Variants in VEPH1 observed in about 807,000 individuals in gnomAD.
The protein encoded by VEPH1 is ventricular zone expressed PH domain containing 1, also known as ventricular zone-expressed PH domain-containing protein homolog 1.
A neutral mutation model predicts 85.2 loss-of-function variants in VEPH1; 80 were observed. That is an observed-to-expected ratio of 0.94 (90% confidence interval 0.78 to 1.13). The LOEUF (loss-of-function observed/expected upper bound fraction) is 1.13, where lower values mean the gene tolerates loss of function less well. Ranked by LOEUF, VEPH1 falls within the 50% of genes most tolerant of loss-of-function variation. The pLI is 0.00. For missense variants in VEPH1, 955 were observed against 980.5 expected (o/e 0.97, Z 0.35); for synonymous variants, 297 against 348.0 (o/e 0.85, Z 1.63).
chr3:157,265,179 C>T (rs1713455369), intron 13 of VEPH1, among the ~76,000 whole-genome samples: 1 of 152,128 alleles, frequency 6.6e-6, no homozygotes, highest in Admixed American at 6.5e-5. Flanking sequence ...CAAATATAAA[C>T]TATAGCTATA....
In VEPH1 at chr3:157,484,589, A is replaced by AT. The variant is rs553297698; in HGVS notation, c.138+10622dup. ...TACTTTAAGCAAGCATTGACTATACATTTTTTTAAAGCCTCTCATTTAAAA... is the reference window on the plus strand; with the variant it reads ...TACTTTAAGCAAGCATTGACTATACATTTTTTTTAAAGCCTCTCATTTAAAA... On this transcript the variant is annotated intron_variant, in intron 2 of 13. Coordinates refer to ENST00000362010, the MANE Select transcript of VEPH1 (RefSeq NM_001167912.2). Among the ~76,000 whole-genome samples, 6 of 152,330 alleles carry AT rather than the reference A, an allele frequency of 3.9e-5. No individual in the cohort carries two copies. The East Asian group carries it at 1.2e-3, about 29-fold the overall frequency.
chr3:157,369,877 G>A (rs577448430), intron 7 of VEPH1, among the ~76,000 whole-genome samples: 133 of 152,308 alleles, frequency 8.7e-4, no homozygotes, highest in Non-Finnish European at 7.6e-4. Flanking sequence ...ATGTGAAAGT[G>A]CTGGCAGATC....
intron 11 of VEPH1, among the ~76,000 whole-genome samples, chr3:157,296,805 C>G (rs1718196085): frequency 6.6e-6 from 1 of 152,196 alleles, no homozygotes; most frequent in Admixed American, 6.5e-5. Context: ...CCTGCCACTG[C>G]CATTCACTGG....
At chr3:157,267,666 A>G (rs1158222541) in intron 12 of VEPH1, among the ~76,000 whole-genome samples, 1 of 152,072 alleles carries the variant, frequency 6.6e-6, no homozygotes, top group African/African-American at 2.4e-5. Flanking sequence ...CTATTTGGGA[A>G]GCTAGGCAGG....
rs114527510 is a variant in VEPH1, at chr3:157,417,475, A to G, written c.697-3385T>C. ...CAGGCTCCTCACTGCCACCAGAGTC[A>G]TAGCCCTTAAACTCCGATCTAATTA... is the stretch of plus-strand genomic sequence containing the variant. On this transcript the variant is annotated intron_variant, in intron 5 of 13. Transcript: ENST00000362010. Among the ~76,000 whole-genome samples the G allele has an allele frequency of 4.7e-3, 715 of 152,320 alleles. 9 individuals are homozygous for G. The highest frequency in any genetic ancestry group is 0.016 in the African/African-American group (676 of 41,572).
rs572067226 is a variant in VEPH1, at chr3:157,324,414, G to A, written c.1736-7213C>T. On this transcript the variant is annotated intron_variant, in intron 9 of 13. Transcript: ENST00000362010. Reference sequence around the variant, plus strand: ...GCAGATTTGTTACATGTGGCATGGTGGTTTGCTGCAGAGGTCATCCCATCA... The same window carrying A: ...GCAGATTTGTTACATGTGGCATGGTAGTTTGCTGCAGAGGTCATCCCATCA... Among the ~76,000 whole-genome samples, 3 of 152,198 alleles carry A rather than the reference G, an allele frequency of 2.0e-5. No individual in the cohort carries two copies. In the South Asian group the frequency reaches 6.2e-4, roughly 32 times the overall value.
chr3:157,437,536 G>C (rs1420380945), intron 4 of VEPH1: 1 of 1,606,120 alleles, frequency 6.2e-7, no homozygotes, highest in East Asian at 2.2e-5. Flanking sequence ...CTGCGGTCAG[G>C]AGCACTCGGA....
At chr3:157,304,142 A>G (rs1559940320) in intron 11 of VEPH1, among the ~76,000 whole-genome samples, 1 of 151,250 alleles carries the variant, frequency 6.6e-6, no homozygotes, top group Non-Finnish European at 1.5e-5. Context: ...AAAACACTAG[A>G]TCTAAGCCTG....
intron 11 of VEPH1, among the ~76,000 whole-genome samples, chr3:157,306,999 C>T (rs1280767055): frequency 2.0e-5 from 3 of 152,012 alleles, no homozygotes; most frequent in African/African-American, 7.2e-5. Context: ...CCTGCTCCAG[C>T]CAAGTTGCTG....
intron 11 of VEPH1, among the ~76,000 whole-genome samples, chr3:157,299,576 A>T: frequency 6.7e-6 from 1 of 149,586 alleles, no homozygotes; most frequent in East Asian, 2.0e-4. Flanking sequence ...AAAAAAAAAA[A>T]AAAAGAAAGA....
chr3:157,275,095 C>A (rs1014133804), intron 12 of VEPH1, among the ~76,000 whole-genome samples: 3 of 152,166 alleles, frequency 2.0e-5, no homozygotes, highest in Non-Finnish European at 4.4e-5. Flanking sequence ...CATCCAGACT[C>A]AGAAATTACT....
chr3:157,375,727 A>G (rs190393884), intron 7 of VEPH1, among the ~76,000 whole-genome samples: 40 of 152,150 alleles, frequency 2.6e-4, no homozygotes, highest in African/African-American at 9.6e-4. Flanking sequence ...TTTCACTTAT[A>G]CCAAAGTCAG....
intron 12 of VEPH1, among the ~76,000 whole-genome samples, chr3:157,285,570 G>A (rs1273075727): frequency 1.3e-5 from 2 of 152,196 alleles, no homozygotes; most frequent in African/African-American, 2.4e-5. Context: ...CTACAAAGTG[G>A]CTTTGTGTTC....
rs79770758 is a variant in VEPH1 at position 157,348,756 on chromosome 3, G to A, written c.1735+14608C>T. 3.3e-5 allele frequency among the ~76,000 whole-genome samples: 5 copies of A among 152,212 alleles called. No individual in the cohort carries two copies. The East Asian group carries it at 7.7e-4, about 23-fold the overall frequency. ...ATCTCTACTCCCCTGCTGCACTTCC[G>A]TGCTCTCCCTTCCACACTCCAGTCA... On this transcript the variant is annotated intron_variant, in intron 9 of 13. Transcript: ENST00000362010.
intron 4 of VEPH1, among the ~76,000 whole-genome samples, chr3:157,431,604 C>T (rs1733166344): frequency 1.3e-5 from 2 of 151,920 alleles, no homozygotes; most frequent in Admixed American, 6.6e-5. Flanking sequence ...AACATGTTCA[C>T]AGGTTCCGGG....
intron 11 of VEPH1, among the ~76,000 whole-genome samples, chr3:157,287,675 G>T (rs978338534): frequency 6.6e-6 from 1 of 151,706 alleles, no homozygotes; most frequent in Admixed American, 6.6e-5. Context: ...AGTGATTCTC[G>T]TGTGTCAGCC....
At position 157,466,361 on chromosome 3, in the gene VEPH1, TC is replaced by T. The variant is rs1254178602; in HGVS notation, c.354+3952del. On this transcript the variant is annotated intron_variant, in intron 3 of 13. Transcript: ENST00000362010. ...AGATCGCTTTTGTAATAAAAGATCC[TC>T]TTCATGTGCACCTACCACCACCAAT... Among the ~76,000 whole-genome samples, 5 of 152,288 alleles carry T rather than the reference TC, an allele frequency of 3.3e-5. No individual in the cohort carries two copies. In the East Asian group the frequency reaches 9.6e-4, roughly 29 times the overall value.
At position 157,470,517 on chromosome 3, in the gene VEPH1, T is replaced by C. The variant is rs1337657427; in HGVS notation, c.151A>G (p.Asn51Asp). Residue 51 changes from asparagine to aspartate, a missense_variant, in exon 3 of 14, where the codon AAT (asparagine) becomes GAT (aspartate). Physicochemically the swap from Asn to Asp is conservative, Grantham distance 23. Transcript: ENST00000362010. ...IISSSSDYQT[N>D]NNDQAVVEIC... ...TCAACTACTGCCTGGTCATTGTTATTGGTTTGGTAATCCTGTTTGGAAAGA... is the reference window on the plus strand; with the variant it reads ...TCAACTACTGCCTGGTCATTGTTATCGGTTTGGTAATCCTGTTTGGAAAGA... 1.2e-6 allele frequency: 2 copies of C among 1,614,202 alleles called. No individual in the cohort carries two copies. Among genetic ancestry groups the C allele is most frequent in the African/African-American group, 1.3e-5 (1 of 75,064 alleles).
intron 11 of VEPH1, among the ~76,000 whole-genome samples, chr3:157,298,700 A>G (rs1718409147): frequency 6.6e-6 from 1 of 152,194 alleles, no homozygotes; most frequent in African/African-American, 2.4e-5. Context: ...CCCAGAAATG[A>G]GGCATCAAAC....
Sources: gnomAD v4.1 joint callset for allele counts (sites outside exome capture counted in the v4.1 genomes callset) on GRCh38, gnomAD v4.1.1 for gene constraint, MANE v1.5 for transcripts, NCBI Gene and HGNC (gene_info 2026-07-23, HGNC 2026-07-21) for gene names.